NAV2: variants seen among roughly 807,000 people sequenced by gnomAD.
NAV2 encodes helicase, APC down-regulated 1.
A neutral mutation model predicts 223.2 loss-of-function variants in NAV2; 54 were observed. That is an observed-to-expected ratio of 0.24 (90% CI 0.19 to 0.30). The LOEUF (loss-of-function observed/expected upper bound fraction) is 0.30. Among genes scored for constraint, NAV2 ranks in the 10% least tolerant of loss-of-function variants. NAV2 has a pLI of 1.00. For synonymous variants in NAV2, 1,279 were observed against 1,239.3 expected, an observed-to-expected ratio of 1.03 and a Z score of -0.67; for missense variants, 2,806 against 3,147.5, an observed-to-expected ratio of 0.89 and a Z score of 2.60.
intron 1 of NAV2, among the ~76,000 whole-genome samples, chr11:19,674,937 A>T (rs534978927): frequency 6.6e-6 from 1 of 152,248 alleles, no homozygotes; most frequent in East Asian, 1.9e-4. Context: ...CACTTTATGG[A>T]GTTTGGGTGA....
chr11:19,964,442 CTT>C (rs1247602090), intron 10 of NAV2, among the ~76,000 whole-genome samples: 1 of 151,800 alleles, frequency 6.6e-6, no homozygotes, highest in Non-Finnish European at 1.5e-5. Context: ...TTATTGAACA[CTT>C]TTAAATGCCA....
chr11:19,776,668 G>GTGTGTGTGTGTGTGTGTGTGTC (rs1170413542), intron 1 of NAV2, among the ~76,000 whole-genome samples: 11 of 150,050 alleles, frequency 7.3e-5, no homozygotes, highest in African/African-American at 2.7e-4. Context: ...GTGTGTGTGT[G>GTGTGTGTGTGTGTGTGTGTGTC]TGTGTGTGGT....
At chr11:19,882,682 T>A (rs972357326) in intron 5 of NAV2, among the ~76,000 whole-genome samples, 2 of 152,164 alleles carry the variant, frequency 1.3e-5, no homozygotes, top group African/African-American at 2.4e-5. Flanking sequence ...AGCCAAAACA[T>A]CCTACTACTA....
At chr11:19,550,785 G>C (rs1259276666) in intron 1 of NAV2, among the ~76,000 whole-genome samples, 2 of 152,168 alleles carry the variant, frequency 1.3e-5, no homozygotes, top group African/African-American at 2.4e-5. Flanking sequence ...AAACAGAGAT[G>C]GGGTGGAAGC....
intron 1 of NAV2, among the ~76,000 whole-genome samples, chr11:19,351,802 T>A (rs1853332451): frequency 8.7e-6 from 1 of 114,672 alleles, no homozygotes; most frequent in African/African-American, 3.4e-5. Flanking sequence ...TTGTGTATGG[T>A]AAAAAAAAAA....
At chr11:19,386,768 GA>G (rs1849059299) in intron 1 of NAV2, among the ~76,000 whole-genome samples, 2 of 152,066 alleles carry the variant, frequency 1.3e-5, no homozygotes, top group African/African-American at 4.8e-5. Flanking sequence ...TCTGTGACTC[GA>G]AAAGGCAATG....
intron 1 of NAV2, among the ~76,000 whole-genome samples, chr11:19,411,979 T>C (rs924253086): frequency 1.3e-5 from 2 of 152,142 alleles, no homozygotes; most frequent in African/African-American, 2.4e-5. Flanking sequence ...GCTCATGCTA[T>C]AGAGTAGAGC....
chr11:19,428,403 G>A (rs1170813865), intron 1 of NAV2, among the ~76,000 whole-genome samples: 1 of 152,116 alleles, frequency 6.6e-6, no homozygotes, highest in Admixed American at 6.5e-5. Flanking sequence ...ATTAATGTGG[G>A]GCCTCACTGA....
chr11:19,891,415 A>G (rs1021918152), intron 5 of NAV2, among the ~76,000 whole-genome samples: 7 of 152,206 alleles, frequency 4.6e-5, no homozygotes, highest in African/African-American at 1.7e-4. Flanking sequence ...GAGTCTTACC[A>G]TTAACTCTTT....
rs1251948248 is a variant in NAV2 at position 20,121,379 on chromosome 11, G to A, written c.*3121G>A. On this transcript the variant is annotated 3_prime_UTR_variant, in exon 38 of 38. Coordinates refer to ENST00000349880, the MANE Select transcript of NAV2 (RefSeq NM_145117.5). ...CTAGCCATTTTTAAAGAGAAAACTA[G>A]GAATTGAGTATTTTGTGTACGGTAT... 6.6e-6 allele frequency: 1 copy of A among 152,554 alleles called. No homozygotes were observed. The highest frequency in any genetic ancestry group is 2.4e-5 in the African/African-American group (1 of 41,398). 9.5% of individuals were successfully genotyped at this position (152,554 alleles called of 1,614,324 possible). A position where few individuals can be genotyped will look rare whatever the true frequency, so the allele number is the denominator to read the frequency against.
chr11:19,911,344 A>G (rs2043298790), intron 6 of NAV2, among the ~76,000 whole-genome samples: 1 of 152,214 alleles, frequency 6.6e-6, no homozygotes, highest in African/African-American at 2.4e-5. Flanking sequence ...GCTATATACA[A>G]TAAGGAAAGC....
At chr11:20,086,805 T>C (rs75661147) in intron 26 of NAV2, among the ~76,000 whole-genome samples, 1 of 151,930 alleles carries the variant, frequency 6.6e-6, no homozygotes, top group African/African-American at 2.4e-5. Context: ...GATTTACAAC[T>C]TGAGTACCTG....
chr11:19,491,931 T>G (rs559243959), intron 1 of NAV2, among the ~76,000 whole-genome samples: 1 of 149,124 alleles, frequency 6.7e-6, no homozygotes, highest in Admixed American at 6.8e-5. Context: ...AGTATTGTTG[T>G]GTCTCAGGGA....
chr11:19,839,223 A>G (rs1163564124), intron 2 of NAV2, among the ~76,000 whole-genome samples: 2 of 152,180 alleles, frequency 1.3e-5, no homozygotes, highest in Non-Finnish European at 2.9e-5. Flanking sequence ...AAGGTTTAAG[A>G]GGCCAGGATA....
At chr11:19,552,130 C>T (rs902651488) in intron 1 of NAV2, among the ~76,000 whole-genome samples, 7 of 152,034 alleles carry the variant, frequency 4.6e-5, no homozygotes, top group Non-Finnish European at 1.0e-4. Context: ...CAAGACTGGT[C>T]AGTTTGGGAG....
chr11:19,584,544 C>T (rs566896773), intron 1 of NAV2, among the ~76,000 whole-genome samples: 87 of 152,324 alleles, frequency 5.7e-4, no homozygotes, highest in Non-Finnish European at 7.9e-4. Context: ...CTACATGCTG[C>T]TTTGAATGTG....
intron 1 of NAV2, among the ~76,000 whole-genome samples, chr11:19,466,177 A>G (rs895343541): frequency 2.0e-5 from 3 of 152,240 alleles, no homozygotes; most frequent in Admixed American, 2.0e-4. Flanking sequence ...GGCAGCATTT[A>G]TAAAAGCCTT....
intron 1 of NAV2, chr11:19,401,920 A>T (rs1849703816): frequency 6.6e-6 from 1 of 152,086 alleles, no homozygotes; most frequent in Non-Finnish European, 1.5e-5. Context: ...ACCAGGCCCG[A>T]CCCTGCTTAG....
At chr11:19,983,742 A>G (rs950238906) in intron 10 of NAV2, among the ~76,000 whole-genome samples, 3 of 152,092 alleles carry the variant, frequency 2.0e-5, no homozygotes, top group African/African-American at 7.2e-5. Context: ...ATGATTTGCT[A>G]ATGATTTGTC....
Sources: allele counts gnomAD v4.1 joint callset (sites outside exome capture counted in the v4.1 genomes callset), GRCh38; gene constraint gnomAD v4.1.1; transcripts MANE v1.5; gene names NCBI Gene and HGNC (gene_info 2026-07-23, HGNC 2026-07-21).